RPS6KC1: variants seen among roughly 807,000 people sequenced by gnomAD.
RPS6KC1 encodes the protein inactive ribosomal protein S6 kinase delta-1.
Under a neutral mutation model 103.8 loss-of-function variants are expected in RPS6KC1, and 54 were observed. The ratio of observed to expected loss-of-function variants is 0.52; its 90% CI spans 0.42 to 0.65. The LOEUF (loss-of-function observed/expected upper bound fraction) is 0.65. RPS6KC1 is among the 30% of genes least tolerant of loss of function. RPS6KC1 has a pLI of 0.00. For synonymous variants in RPS6KC1, 439 were observed against 438.7 expected (o/e 1.00, Z -0.01); for missense variants, 1,151 against 1,253.8 (o/e 0.92, Z 1.24).
chr1:213,080,651 A>G lies in RPS6KC1; in HGVS notation c.262+2835A>G, dbSNP rs902631888. 4.6e-5 allele frequency among the ~76,000 whole-genome samples: 7 copies of G among 152,110 alleles called. 1 individual carries two copies. The highest frequency in any genetic ancestry group is 1.4e-4 in the African/African-American group (6 of 41,410). ...GCAGTGGTGCAGTCCCACAGCCTCC[A>G]TCTCCTGGGCTCAAGCGATCCTCCC... On this transcript the variant is annotated intron_variant, in intron 3 of 14. Transcript: ENST00000366960.
the RPS6KC1 span, among the ~76,000 whole-genome samples, chr1:213,503,064 C>T: frequency 4.6e-5 from 7 of 150,884 alleles, no homozygotes; most frequent in African/African-American, 1.5e-4. Context: ...TAAAAAGTGG[C>T]TTTTTTTTTC....
the RPS6KC1 span, among the ~76,000 whole-genome samples, chr1:213,550,739 G>A: frequency 1.3e-5 from 2 of 152,172 alleles, no homozygotes; most frequent in South Asian, 4.1e-4. Context: ...TTTCCAAAAT[G>A]ATGGATGGTA....
chr1:213,112,810 C>T (rs1277590226), intron 4 of RPS6KC1, among the ~76,000 whole-genome samples: 1 of 151,492 alleles, frequency 6.6e-6, no homozygotes, highest in Non-Finnish European at 1.5e-5. Context: ...TGAGAATATG[C>T]GGTGTTTGGT....
chr1:213,388,817 G>A, the RPS6KC1 span, among the ~76,000 whole-genome samples: 3 of 152,214 alleles, frequency 2.0e-5, no homozygotes, highest in African/African-American at 7.2e-5. Flanking sequence ...GACCGCCCTG[G>A]CGAGGGAGGG....
intron 6 of RPS6KC1, among the ~76,000 whole-genome samples, chr1:213,152,039 C>T (rs570393803): frequency 7.0e-6 from 1 of 142,902 alleles, no homozygotes; most frequent in Non-Finnish European, 1.5e-5. Context: ...GACGGGGCAG[C>T]TGGCCGGGCG....
the RPS6KC1 span, among the ~76,000 whole-genome samples, chr1:213,513,205 A>G: frequency 2.6e-5 from 4 of 152,104 alleles, no homozygotes; most frequent in East Asian, 5.8e-4. Context: ...GAGCCAAGGA[A>G]TGTGGCACCT....
chr1:213,664,081 T>G, the RPS6KC1 span, among the ~76,000 whole-genome samples: 1 of 151,808 alleles, frequency 6.6e-6, no homozygotes, highest in Non-Finnish European at 1.5e-5. Context: ...CAGCCTGACC[T>G]TCTCTGGCCT....
the RPS6KC1 span, among the ~76,000 whole-genome samples, chr1:213,569,240 G>T: frequency 1.3e-5 from 2 of 152,186 alleles, no homozygotes; most frequent in South Asian, 2.1e-4. Flanking sequence ...CTAAAACCTA[G>T]TGGGTCTTAG....
intron 5 of RPS6KC1, among the ~76,000 whole-genome samples, chr1:213,122,689 C>T (rs1008032666): frequency 6.6e-6 from 1 of 152,066 alleles, no homozygotes; most frequent in African/African-American, 2.4e-5. Context: ...AATCTTGTTA[C>T]TGGTATTTTT....
the RPS6KC1 span, among the ~76,000 whole-genome samples, chr1:213,585,428 C>T: frequency 6.6e-6 from 1 of 152,112 alleles, no homozygotes; most frequent in East Asian, 1.9e-4. Flanking sequence ...AAAAGTGTTC[C>T]ACCCCCATAT....
the RPS6KC1 span, among the ~76,000 whole-genome samples, chr1:213,625,111 T>A: frequency 6.6e-6 from 1 of 152,034 alleles, no homozygotes; most frequent in African/African-American, 2.4e-5. Context: ...GCCTCCCGAG[T>A]AGCCCGCCTT....
chr1:213,586,753 T>G, the RPS6KC1 span, among the ~76,000 whole-genome samples: 5 of 152,260 alleles, frequency 3.3e-5, no homozygotes, highest in African/African-American at 1.2e-4. Context: ...TCCCAGGGAC[T>G]TTGGTGCTAA....
At chr1:213,389,914 T>TTAGCGA in the RPS6KC1 span, among the ~76,000 whole-genome samples, 1 of 152,152 alleles carries the variant, frequency 6.6e-6, no homozygotes. Flanking sequence ...TAAATGTAAT[T>TTAGCGA]ACCAGTGGCC....
intron 8 of RPS6KC1, among the ~76,000 whole-genome samples, chr1:213,178,633 G>A (rs1219608988): frequency 2.0e-5 from 3 of 152,066 alleles, no homozygotes; most frequent in African/African-American, 7.2e-5. Context: ...GAATTCCTAA[G>A]TTCTGCTGAG....
At chr1:213,585,724 C>T in the RPS6KC1 span, among the ~76,000 whole-genome samples, 1 of 152,246 alleles carries the variant, frequency 6.6e-6, no homozygotes, top group East Asian at 1.9e-4. Flanking sequence ...CCTCCTGAGG[C>T]CTCCCTACTC....
At chr1:213,372,341 G>A in the RPS6KC1 span, among the ~76,000 whole-genome samples, 1 of 152,192 alleles carries the variant, frequency 6.6e-6, no homozygotes, top group Non-Finnish European at 1.5e-5. Context: ...CAGATCTATT[G>A]AGAAACCACC....
At chr1:213,139,102 T>TA (rs1558398779) in intron 6 of RPS6KC1, among the ~76,000 whole-genome samples, 2 of 152,196 alleles carry the variant, frequency 1.3e-5, no homozygotes, top group Admixed American at 1.3e-4. Context: ...TCTCTACTGA[T>TA]TAGTTATATT....
the RPS6KC1 span, among the ~76,000 whole-genome samples, chr1:213,335,880 G>C: frequency 6.6e-6 from 1 of 152,216 alleles, no homozygotes; most frequent in Non-Finnish European, 1.5e-5. Context: ...CACTGAATTA[G>C]AGAATGTGAA....
At chr1:213,503,501 A>G in the RPS6KC1 span, among the ~76,000 whole-genome samples, 2 of 152,180 alleles carry the variant, frequency 1.3e-5, no homozygotes, top group Non-Finnish European at 2.9e-5. Flanking sequence ...TGCTGTCTCT[A>G]TGGTTGACAT....
Sources: allele counts gnomAD v4.1 joint callset (sites outside exome capture counted in the v4.1 genomes callset), GRCh38; gene constraint gnomAD v4.1.1; transcripts MANE v1.5; gene names NCBI Gene and HGNC (gene_info 2026-07-23, HGNC 2026-07-21).